Variants in ZNF441 observed in about 807,000 individuals in gnomAD.
The protein encoded by ZNF441 is zinc finger protein 441.
ZNF441 carries 25 observed loss-of-function variants against 64.5 expected under a neutral mutation model. The observed-to-expected ratio is 0.39, with a 90% CI of 0.28 to 0.54. The LOEUF (loss-of-function observed/expected upper bound fraction) is 0.54, where lower values mean the gene tolerates loss of function less well. Among genes scored for constraint, ZNF441 ranks in the 20% least tolerant of loss-of-function variants. ZNF441 has a pLI of 0.70. For missense variants in ZNF441, 715 were observed against 843.3 expected, an observed-to-expected ratio of 0.85 and a Z score of 1.88; for synonymous variants, 262 against 268.0, an observed-to-expected ratio of 0.98 and a Z score of 0.22.
At chr19:11,779,673 G>A (rs1975381852) in intron 3 of ZNF441, among the ~76,000 whole-genome samples, 1 of 151,966 alleles carries the variant, frequency 6.6e-6, no homozygotes. Context: ...TGAACCCGGG[G>A]GAGGTAGAGC....
chr19:11,771,490 T>G (rs1975312845), intron 1 of ZNF441, among the ~76,000 whole-genome samples: 1 of 152,246 alleles, frequency 6.6e-6, no homozygotes, highest in South Asian at 2.1e-4. Flanking sequence ...AGAATAGTTA[T>G]ACCAGATATA....
intron 1 of ZNF441, among the ~76,000 whole-genome samples, chr19:11,774,364 AT>A (rs1975338627): frequency 6.6e-6 from 1 of 152,154 alleles, no homozygotes; most frequent in Admixed American, 6.5e-5. Context: ...TGTGATCCAA[AT>A]TTCTAATCTA....
At chr19:11,774,908 C>A (rs556217662) in intron 1 of ZNF441, among the ~76,000 whole-genome samples, 4 of 152,078 alleles carry the variant, frequency 2.6e-5, no homozygotes, top group Non-Finnish European at 5.9e-5. Context: ...CACTGTTTGC[C>A]CTTCTGGTTT....
At chr19:11,774,135 C>T (rs1975336953) in intron 1 of ZNF441, among the ~76,000 whole-genome samples, 1 of 152,104 alleles carries the variant, frequency 6.6e-6, no homozygotes, top group African/African-American at 2.4e-5. Flanking sequence ...ATACTATTCA[C>T]AACTAATGAG....
chr19:11,775,538 C>T (rs981566843), intron 1 of ZNF441, among the ~76,000 whole-genome samples: 3 of 151,678 alleles, frequency 2.0e-5, no homozygotes, highest in Admixed American at 6.6e-5. Flanking sequence ...ACCGTGTTAG[C>T]TAGGATGGTC....
intron 1 of ZNF441, among the ~76,000 whole-genome samples, chr19:11,770,294 C>T (rs933539112): frequency 6.6e-6 from 1 of 152,128 alleles, no homozygotes; most frequent in African/African-American, 2.4e-5. Context: ...ATCACAAGAA[C>T]AGCGTGGGGG....
Position 11,780,627 on chromosome 19 carries a change from A to G in ZNF441, c.803A>G (p.Gln268Arg). Reference sequence around the variant, plus strand: ...GCCTTCAGTTGTTCCTGTTACACTCAACTATATGAAAGGACTCACACTGGA... The same window carrying G: ...GCCTTCAGTTGTTCCTGTTACACTCGACTATATGAAAGGACTCACACTGGA... The part of the protein sequence containing the change: ...GKAFSCSCYT[Q>R]LYERTHTGEQ... Residue 268 changes from glutamine to arginine, a missense_variant, in exon 4 of 4, where the codon CAA becomes CGA. By Grantham distance (43) the Gln-to-Arg change is conservative (BLOSUM62 1). Around this residue, in one of 2 missense-constraint regions of ZNF441, gnomAD observed 399 missense variants for 413.9 expected, o/e 0.96. Coordinates refer to ENST00000357901, the MANE Select transcript of ZNF441 (RefSeq NM_152355.3). 1 of 1,614,108 alleles carries G rather than the reference A, an allele frequency of 6.2e-7. No homozygotes were observed. The highest frequency in any genetic ancestry group is 8.5e-7 in the Non-Finnish European group (1 of 1,180,002).
chr19:11,769,300 A>G (rs1173364818), intron 1 of ZNF441, among the ~76,000 whole-genome samples: 1 of 152,188 alleles, frequency 6.6e-6, no homozygotes, highest in Non-Finnish European at 1.5e-5. Flanking sequence ...CAGAAGATGG[A>G]TTATTCTCCT....
At chr19:11,777,163 C>T (rs552025343) in intron 1 of ZNF441, among the ~76,000 whole-genome samples, 32 of 152,204 alleles carry the variant, frequency 2.1e-4, no homozygotes, top group African/African-American at 7.0e-4. Flanking sequence ...TAACAGAATA[C>T]TTTAACCTGG....
At chr19:11,770,932 CAAA>C (rs33976066) in intron 1 of ZNF441, among the ~76,000 whole-genome samples, 3 of 120,064 alleles carry the variant, frequency 2.5e-5, no homozygotes, top group Admixed American at 8.8e-5. Context: ...AACTCTGTTT[CAAA>C]AAAAAAAAAA....
Position 11,782,403 on chromosome 19 carries a change from T to A in ZNF441, c.*497T>A, listed in dbSNP as rs563404317. Reference sequence around the variant, plus strand: ...AGTCCCTGATATTAAAAACAGCATATTTGCATATAATCTAGGCACATTTTT... The same window carrying A: ...AGTCCCTGATATTAAAAACAGCATAATTGCATATAATCTAGGCACATTTTT... On this transcript the variant is annotated 3_prime_UTR_variant, in exon 4 of 4. Transcript: ENST00000357901. The A allele has an allele frequency of 3.3e-5, 5 of 152,370 alleles. No individual in the cohort carries two copies. Among genetic ancestry groups the A allele is most frequent in the African/African-American group, 1.2e-4 (5 of 41,442 alleles). The allele number at this position is 152,370 out of a possible 1,614,324, so 9.4% of individuals were successfully genotyped here.
chr19:11,784,030 G>A lies in ZNF441; in HGVS notation c.*2124G>A, dbSNP rs2145087044. ...ATGCTCATGTGTACCTTATATATAT[G>A]TAAAATATGTATCAATAAAAGAAAA... On this transcript the variant is annotated 3_prime_UTR_variant, in exon 4 of 4. Transcript: ENST00000357901. 1 of 152,222 alleles carries A rather than the reference G, an allele frequency of 6.6e-6. No individual in the cohort carries two copies. Among genetic ancestry groups the A allele is most frequent in the East Asian group, 1.9e-4 (1 of 5,178 alleles). 9.4% of individuals were successfully genotyped at this position (152,222 alleles called of 1,614,324 possible).
At chr19:11,771,378 C>A (rs1975311975) in intron 1 of ZNF441, among the ~76,000 whole-genome samples, 1 of 152,134 alleles carries the variant, frequency 6.6e-6, no homozygotes, top group South Asian at 2.1e-4. Context: ...GAAATTCAAT[C>A]AATAAATAAT....
At chr19:11,776,812 CTTTT>C (rs35406332) in intron 1 of ZNF441, among the ~76,000 whole-genome samples, 2 of 146,286 alleles carry the variant, frequency 1.4e-5, no homozygotes, top group Non-Finnish European at 1.5e-5. Context: ...TGTTTTTTCC[CTTTT>C]TTTTTTTTTG....
rs1174804153 is a variant in ZNF441, at chr19:11,767,415, C to G, written c.3+219C>G. On this transcript the variant is annotated intron_variant, in intron 1 of 3. Coordinates refer to ENST00000357901, the MANE Select transcript of ZNF441 (RefSeq NM_152355.3). This position sits in a 1 kb window ranked among gnomAD's most constrained non-coding sequence, Gnocchi z 5.1. ...GCCACTGCGGCCCTGGCCCTGGAGG[C>G]CTGTCTGGGCAGCTCCGCGCCCGCA... 6.6e-6 allele frequency among the ~76,000 whole-genome samples: 1 copy of G among 152,258 alleles called. No homozygotes were observed. Among genetic ancestry groups the G allele is most frequent in the Non-Finnish European group, 1.5e-5 (1 of 68,052 alleles).
chr19:11,781,082 A>C lies in ZNF441; in HGVS notation c.1258A>C (p.Lys420Gln). The change falls in exon 4 of 4, where the codon AAA becomes CAA. Residue 420 changes from lysine to glutamine, a missense_variant. Around this residue, in one of 2 missense-constraint regions of ZNF441, gnomAD observed 316 missense variants for 429.3 expected, o/e 0.74. Transcript: ENST00000357901. Reference protein sequence around the residue: ...ETTHTGEKPYKCKQCGKAFIC... With the variant: ...ETTHTGEKPYQCKQCGKAFIC... ...TACTCACACTGGAGAGAAGCCATAT[A>C]AATGTAAACAATGTGGAAAAGCCTT... 1 of 1,613,694 alleles carries C rather than the reference A, an allele frequency of 6.2e-7. No homozygotes were observed. Among genetic ancestry groups the C allele is most frequent in the Non-Finnish European group, 8.5e-7 (1 of 1,179,890 alleles).
Position 11,780,070 on chromosome 19 carries a change from A to C in ZNF441, c.246A>C (p.Gly82=). 1 of 1,614,150 alleles carries C rather than the reference A, an allele frequency of 6.2e-7. No homozygotes were observed. The highest frequency in any genetic ancestry group is 8.5e-7 in the Non-Finnish European group (1 of 1,179,970). The change falls in exon 4 of 4, where the codon GGA becomes GGC. Residue 82 remains glycine (G), a synonymous_variant. Coordinates refer to ENST00000357901, the MANE Select transcript of ZNF441 (RefSeq NM_152355.3). Reference sequence around the variant, plus strand: ...AAATTAAAGATAATAGTCAATGTGGAGGACCCTTTACCCAGACTCAAGACA... The same window carrying C: ...AAATTAAAGATAATAGTCAATGTGGCGGACCCTTTACCCAGACTCAAGACA... ...ACEIKDNSQC[G]GPFTQTQDSI...
chr19:11,772,168 C>T (rs1975319384), intron 1 of ZNF441, among the ~76,000 whole-genome samples: 1 of 146,214 alleles, frequency 6.8e-6, no homozygotes, highest in Admixed American at 6.8e-5. Context: ...GTGACCTTAC[C>T]TATCATTGGA....
intron 1 of ZNF441, among the ~76,000 whole-genome samples, chr19:11,775,995 A>G (rs766679326): frequency 6.6e-6 from 1 of 152,152 alleles, no homozygotes; most frequent in Non-Finnish European, 1.5e-5. Flanking sequence ...ATGTTCTACC[A>G]TATGTCTTAA....
Sources: allele counts gnomAD v4.1 joint callset (sites outside exome capture counted in the v4.1 genomes callset), GRCh38; gene constraint gnomAD v4.1.1; regional missense constraint gnomAD v4.1.1; non-coding constraint Gnocchi (gnomAD v3.1); transcripts MANE v1.5; gene names NCBI Gene and HGNC (gene_info 2026-07-23, HGNC 2026-07-21).